SCT: variants seen among roughly 807,000 people sequenced by gnomAD.
SCT encodes the protein secretin, also known as prepro-secretin.
In SCT, 17 loss-of-function variants were observed where a neutral mutation model predicts 10.9. The ratio of observed to expected loss-of-function variants is 1.55; its 90% confidence interval spans 1.06 to 2.33. The LOEUF (loss-of-function observed/expected upper bound fraction) is 2.33. SCT is among the 30% of genes most tolerant of loss of function. The probability of loss-of-function intolerance (pLI) is 0.00; values close to 1 mark genes in which losing one functional copy is unlikely to be tolerated. For synonymous variants in SCT, 96 were observed against 73.9 expected, an observed-to-expected ratio of 1.30 and a Z score of -1.54; for missense variants, 230 against 165.9, an observed-to-expected ratio of 1.39 and a Z score of -2.12.
Position 627,002 on chromosome 11 carries a change from G to C in SCT, c.72-13C>G, listed in dbSNP as rs1418473992. 2.0e-6 allele frequency: 3 copies of C among 1,511,672 alleles called. No homozygotes were observed. The highest frequency in any genetic ancestry group is 2.8e-5 in the African/African-American group (2 of 71,118). The allele number at this position is 1,511,672 out of a possible 1,614,324, so 93.6% of individuals were successfully genotyped here. ...GTGTCGCCGGGCCCTGCGGGCGGTC[G>C]GGGGTCGGGGTCAGGGCGCACTGGG... is the stretch of plus-strand genomic sequence containing the variant. On this transcript the variant is annotated splice_polypyrimidine_tract_variant and intron_variant, in intron 1 of 3. Coordinates refer to ENST00000176195, the MANE Select transcript of SCT (RefSeq NM_021920.4).
Position 627,155 on chromosome 11 carries a change from G to A in SCT, c.-12C>T. Reference sequence around the variant, plus strand: ...GGCCGGGGGGCCATGGCGGGGTCGGGGCGCAGGAGCTGAGCGCTGCGGCCA... The same window carrying A: ...GGCCGGGGGGCCATGGCGGGGTCGGAGCGCAGGAGCTGAGCGCTGCGGCCA... On this transcript the variant is annotated 5_prime_UTR_variant, in exon 1 of 4. Coordinates refer to ENST00000176195, the MANE Select transcript of SCT (RefSeq NM_021920.4). 4 of 1,082,684 alleles carry A rather than the reference G, an allele frequency of 3.7e-6. No homozygotes were observed. Among genetic ancestry groups the A allele is most frequent in the Non-Finnish European group, 3.4e-6 (3 of 891,004 alleles). 67.1% of individuals were successfully genotyped at this position (1,082,684 alleles called of 1,614,324 possible). A position where few individuals can be genotyped will look rare whatever the true frequency, so the allele number is the denominator to read the frequency against.
rs3218568 is a variant in SCT, at chr11:626,920, C to T, written c.141G>A (p.Gln47=). ...LSRLREGARL[Q]RLLQGLVGKR... is the part of the protein sequence containing the mutation. ...TCCCCACCAGGCCCTGTAGCAGCCG[C>T]TGGAGCCGCGCGCCCTCCCGCAGGC... Residue 47 remains glutamine, a synonymous_variant, in exon 2 of 4, where the codon CAG becomes CAA. Transcript: ENST00000176195. The T allele has an allele frequency of 5.6e-4, 855 of 1,537,890 alleles. 5 individuals carry two copies. The African/African-American group carries it at 1.0e-2, about 18-fold the overall frequency.
chr11:626,967 T>G lies in SCT; in HGVS notation c.94A>C (p.Thr32Pro). 7.4e-7 allele frequency: 1 copy of G among 1,357,058 alleles called. No homozygotes were observed. The highest frequency in any genetic ancestry group is 9.6e-7 in the Non-Finnish European group (1 of 1,036,540). 84.1% of individuals were successfully genotyped at this position (1,357,058 alleles called of 1,614,324 possible). ...AGGCGGCTGAGCTCGCTGGTGAACG[T>G]CCCGTCTGAGTGTCGCCGGGCCCTG... ...PPRARRHSDG[T>P]FTSELSRLRE... is the part of the protein sequence containing the mutation. The change falls in exon 2 of 4, where the codon ACG (threonine) becomes CCG (proline). Residue 32 changes from threonine to proline, a missense_variant. Physicochemically the swap from Thr to Pro is conservative, Grantham distance 38 (BLOSUM62 -1). Transcript: ENST00000176195.
At position 626,376 on chromosome 11, in the gene SCT, C is replaced by T. The variant is rs371270345; in HGVS notation, c.*55G>A. Reference sequence around the variant, plus strand: ...TCCCCCTCTCCCCCATCCTGCCCCCCACCCCAAATGCAGCTGCGCTCCTGG... The same window carrying T: ...TCCCCCTCTCCCCCATCCTGCCCCCTACCCCAAATGCAGCTGCGCTCCTGG... On this transcript the variant is annotated 3_prime_UTR_variant, in exon 4 of 4. Transcript: ENST00000176195. The T allele has an allele frequency of 1.5e-6, 2 of 1,359,138 alleles. No homozygotes were observed. The highest frequency in any genetic ancestry group is 2.1e-6 in the Non-Finnish European group (2 of 975,388). 84.2% of individuals were successfully genotyped at this position (1,359,138 alleles called of 1,614,324 possible). A position where few individuals can be genotyped will look rare whatever the true frequency, so the allele number is the denominator to read the frequency against.
chr11:626,853 A>G (rs1589951026), intron 2 of SCT, 35 bp downstream of exon 2: 6 of 1,542,754 alleles, frequency 3.9e-6, no homozygotes, highest in Non-Finnish European at 3.5e-6. Context: ...CTGCTGGGGC[A>G]CCACGCCAGG....
Position 626,945 on chromosome 11 carries a change from C to CGGCTGAGCTCGCT in SCT, c.103_115dup (p.Arg39GlnfsTer?), listed in dbSNP as rs1564906614. 2 of 1,420,486 alleles carry CGGCTGAGCTCGCT rather than the reference C, an allele frequency of 1.4e-6. No homozygotes were observed. The highest frequency in any genetic ancestry group is 4.2e-5 in the Admixed American group (2 of 47,350). The allele number at this position is 1,420,486 out of a possible 1,614,324, so 88.0% of individuals were successfully genotyped here. A position where few individuals can be genotyped will look rare whatever the true frequency, so the allele number is the denominator to read the frequency against. On this transcript the variant is annotated frameshift_variant, in exon 2 of 4. Coordinates refer to ENST00000176195, the MANE Select transcript of SCT (RefSeq NM_021920.4). LOFTEE classifies it high-confidence loss of function. ...CTGGAGCCGCGCGCCCTCCCGCAGG[C>CGGCTGAGCTCGCT]GGCTGAGCTCGCTGGTGAACGTCCC...
At position 626,705 on chromosome 11, in the gene SCT, C is replaced by G. The variant is rs1328361365; in HGVS notation, c.258G>C (p.Leu86=). ...GTGGGGCGGGTGCTCACCAGGCCTG[C>G]AGGATGGGCATGTTGGACCCTGACG... ...LCPSGSNMPI[L]QAWMPLDGTW... is the part of the protein sequence containing the mutation. The change falls in exon 3 of 4, where the codon CTG becomes CTC. Residue 86 remains leucine (L), a synonymous_variant. Transcript: ENST00000176195. The G allele has an allele frequency of 1.3e-6, 2 of 1,549,098 alleles. No individual in the cohort carries two copies. Among genetic ancestry groups the G allele is most frequent in the East Asian group, 4.9e-5 (2 of 40,884 alleles).
At position 626,539 on chromosome 11, in the gene SCT, A is replaced by G. The variant is rs781039175; in HGVS notation, c.267-9T>C. On this transcript the variant is annotated splice_polypyrimidine_tract_variant and intron_variant, in intron 3 of 3. Transcript: ENST00000176195. Reference sequence around the variant, plus strand: ...TCCCGTCCAGGGGCATCCTGCAGAGACAGCACGTGAGGGTCTGAGGGCTGG... The same window carrying G: ...TCCCGTCCAGGGGCATCCTGCAGAGGCAGCACGTGAGGGTCTGAGGGCTGG... The G allele has an allele frequency of 6.4e-7, 1 of 1,552,182 alleles. No homozygotes were observed. Among genetic ancestry groups the G allele is most frequent in the Non-Finnish European group, 8.7e-7 (1 of 1,146,768 alleles).
Position 627,099 on chromosome 11 carries a change from GC to G in SCT, c.44del (p.Gly15AlafsTer142), listed in dbSNP as rs1857794682. The G allele has an allele frequency of 1.4e-5, 15 of 1,102,136 alleles. No homozygotes were observed. Among genetic ancestry groups the G allele is most frequent in the South Asian group, 4.4e-5 (1 of 22,810 alleles). 68.3% of individuals were successfully genotyped at this position (1,102,136 alleles called of 1,614,324 possible). A position where few individuals can be genotyped will look rare whatever the true frequency, so the allele number is the denominator to read the frequency against. On this transcript the variant is annotated frameshift_variant, in exon 1 of 4. Coordinates refer to ENST00000176195, the MANE Select transcript of SCT (RefSeq NM_021920.4). LOFTEE classifies it high-confidence loss of function. ...TGGGGGGCGCGGGGCGCGCGGCGGA[GC>G]CCCCGAGGAGCAGCAGCAGCAGCAG... ...PLLLLLLLLG[G>X]SAARPAPPRA...
At chr11:626,576 CCGG>C (rs1488349418) in intron 3 of SCT, 46 bp from the exon 4 acceptor site, 2 of 1,513,236 alleles carry the variant, frequency 1.3e-6, no homozygotes, top group African/African-American at 2.8e-5. Flanking sequence ...GCTGGAGACC[CCGG>C]CCCCGCTGCT....
intron 1 of SCT, 38 bp downstream of exon 1, chr11:627,035 G>A (rs1450767475): frequency 1.4e-5 from 17 of 1,251,068 alleles, no homozygotes; most frequent in Non-Finnish European, 1.7e-5. Context: ...GGGGGCGGGT[G>A]GGGCCCGGGG....
At position 626,891 on chromosome 11, in the gene SCT, C is replaced by G. The variant is rs1040466999; in HGVS notation, c.170G>C (p.Arg57Pro). The G allele has an allele frequency of 6.5e-7, 1 of 1,543,248 alleles. No homozygotes were observed. The highest frequency in any genetic ancestry group is 8.7e-7 in the Non-Finnish European group (1 of 1,146,058). The part of the protein sequence containing the change: ...QRLLQGLVGK[R>P]SEQDAENSMA... ...CCCCCACCCCACCCGGCCTCACCTG[C>G]GCTTCCCCACCAGGCCCTGTAGCAG... Residue 57 changes from arginine (R) to proline (P), a missense_variant, in exon 2 of 4, where the codon CGC becomes CCC. By Grantham distance (103) the Arg-to-Pro change is moderately radical. Transcript: ENST00000176195.
rs1297275761 is a variant in SCT at position 627,173 on chromosome 11, T to TGCGGCC, written c.-36_-31dup. 7 of 1,063,030 alleles carry TGCGGCC rather than the reference T, an allele frequency of 6.6e-6. No homozygotes were observed. In the African/African-American group the frequency reaches 1.0e-4, roughly 16 times the overall value. The allele number at this position is 1,063,030 out of a possible 1,614,324, so 65.8% of individuals were successfully genotyped here. On this transcript the variant is annotated 5_prime_UTR_variant, in exon 1 of 4. Coordinates refer to ENST00000176195, the MANE Select transcript of SCT (RefSeq NM_021920.4). ...GGGTCGGGGCGCAGGAGCTGAGCGC[T>TGCGGCC]GCGGCCACGGCCCCGGGCCCCCGCA...
At position 626,598 on chromosome 11, in the gene SCT, G is replaced by A. The variant is rs1300084903; in HGVS notation, c.267-68C>T. 1.9e-5 allele frequency: 28 copies of A among 1,473,312 alleles called. 1 individual carries two copies. The South Asian group carries it at 2.2e-4, about 12-fold the overall frequency. The allele number at this position is 1,473,312 out of a possible 1,614,324, so 91.3% of individuals were successfully genotyped here. Reference sequence around the variant, plus strand: ...ACCCCGGCCCCGCTGCTGGAATTGGGCCTCCAGTGGCCACCAGCGCTGACC... The same window carrying A: ...ACCCCGGCCCCGCTGCTGGAATTGGACCTCCAGTGGCCACCAGCGCTGACC... On this transcript the variant is annotated intron_variant, in intron 3 of 3. Transcript: ENST00000176195.
chr11:626,939 C>T lies in SCT; in HGVS notation c.122G>A (p.Arg41Gln), dbSNP rs1266249409. The change falls in exon 2 of 4, where the codon CGG (arginine) becomes CAG (glutamine). Residue 41 changes from arginine to glutamine, a missense_variant. Transcript: ENST00000176195. ...GTFTSELSRL[R>Q]EGARLQRLLQ... ...CAGCCGCTGGAGCCGCGCGCCCTCC[C>T]GCAGGCGGCTGAGCTCGCTGGTGAA... The T allele has an allele frequency of 5.2e-6, 8 of 1,535,500 alleles. No individual in the cohort carries two copies. The highest frequency in any genetic ancestry group is 4.1e-5 in the African/African-American group (3 of 72,896).
In SCT at chr11:627,062, G is replaced by A; in HGVS notation, c.71+11C>T. On this transcript the variant is annotated intron_variant, in intron 1 of 3. Coordinates refer to ENST00000176195, the MANE Select transcript of SCT (RefSeq NM_021920.4). ...GGCCCGGGGGGCGGGCGGGCCTGGCGGGCGGCTCACCTGGGGGGCGCGGGG... is the reference window on the plus strand; with the variant it reads ...GGCCCGGGGGGCGGGCGGGCCTGGCAGGCGGCTCACCTGGGGGGCGCGGGG... 1 of 1,209,056 alleles carries A rather than the reference G, an allele frequency of 8.3e-7. No homozygotes were observed. Among genetic ancestry groups the A allele is most frequent in the Non-Finnish European group, 1.0e-6 (1 of 964,142 alleles). 74.9% of individuals were successfully genotyped at this position (1,209,056 alleles called of 1,614,324 possible).
intron 3 of SCT, 83 bp from the exon 4 acceptor site, chr11:626,613 C>T: frequency 6.8e-7 from 1 of 1,475,918 alleles, no homozygotes; most frequent in Non-Finnish European, 9.2e-7. Context: ...CAGTGGCCAC[C>T]AGCGCTGACC....
intron 3 of SCT, 78 bp from the exon 4 acceptor site, chr11:626,608 G>T (rs1342500464): frequency 6.8e-7 from 1 of 1,473,524 alleles, no homozygotes; most frequent in Non-Finnish European, 9.3e-7. Context: ...GCCTCCAGTG[G>T]CCACCAGCGC....
In SCT at chr11:626,866, C is replaced by CCCCCA. The variant is rs747728710; in HGVS notation, c.173+17_173+21dup. ...TGCTGCTGGGGCACCACGCCAGGAC[C>CCCCCA]CCCCACCCCACCCGGCCTCACCTGC... On this transcript the variant is annotated intron_variant, in intron 2 of 3. Transcript: ENST00000176195. 2.1e-4 allele frequency: 327 copies of CCCCCA among 1,543,830 alleles called. 1 individual carries two copies. In the South Asian group the frequency reaches 2.1e-3, roughly 10 times the overall value.
Sources: gnomAD v4.1 joint callset for allele counts on GRCh38, gnomAD v4.1.1 for gene constraint, MANE v1.5 for transcripts, NCBI Gene and HGNC (gene_info 2026-07-23, HGNC 2026-07-21) for gene names.